Variants in TNFSF13B observed in about 807,000 individuals in gnomAD.
The protein encoded by TNFSF13B is tumor necrosis factor ligand superfamily member 13B.
Under a neutral mutation model 29.1 loss-of-function variants are expected in TNFSF13B, and 8 were observed. The observed-to-expected ratio is 0.27, with a 90% confidence interval of 0.16 to 0.50. The LOEUF is 0.50. TNFSF13B is among the 20% of genes least tolerant of loss of function. TNFSF13B has a pLI of 0.98. For synonymous variants in TNFSF13B, 125 were observed against 130.8 expected, an observed-to-expected ratio of 0.96 and a Z score of 0.30; for missense variants, 248 against 334.9, an observed-to-expected ratio of 0.74 and a Z score of 2.03.
At chr13:108,302,132 CT>C (rs1881643990) in intron 3 of TNFSF13B, among the ~76,000 whole-genome samples, 1 of 152,046 alleles carries the variant, frequency 6.6e-6, no homozygotes, top group Admixed American at 6.6e-5. Context: ...ATATTGTTAT[CT>C]TCTTGGGCTT....
intron 3 of TNFSF13B, among the ~76,000 whole-genome samples, chr13:108,299,532 A>G (rs1412389615): frequency 6.6e-6 from 1 of 151,942 alleles, no homozygotes; most frequent in East Asian, 1.9e-4. Flanking sequence ...GTGTGGACAC[A>G]GGAGTCCTTC....
intron 2 of TNFSF13B, among the ~76,000 whole-genome samples, chr13:108,272,112 T>C (rs920370421): frequency 6.6e-6 from 1 of 152,192 alleles, no homozygotes; most frequent in African/African-American, 2.4e-5. Context: ...GTTTAGTAGT[T>C]GTAAAACAAT....
Position 108,284,277 on chromosome 13 carries a change from T to C in TNFSF13B, c.425-2526T>C, listed in dbSNP as rs189892026. ...GCGGGAGGCGGAGCTTGCAGTGAGC[T>C]GAGATCGCGCCACTGCACTCCAGCC... On this transcript the variant is annotated intron_variant, in intron 2 of 5. Coordinates refer to ENST00000375887, the MANE Select transcript of TNFSF13B (RefSeq NM_006573.5). 3.0e-3 allele frequency among the ~76,000 whole-genome samples: 456 copies of C among 152,086 alleles called. 1 individual carries two copies. Among genetic ancestry groups the C allele is most frequent in the African/African-American group, 9.3e-3 (386 of 41,482 alleles).
chr13:108,286,115 T>C (rs571993867), intron 2 of TNFSF13B, among the ~76,000 whole-genome samples: 2 of 152,340 alleles, frequency 1.3e-5, no homozygotes, highest in African/African-American at 4.8e-5. Context: ...TCTATCTCTC[T>C]TTCTCTCTTT....
At chr13:108,291,723 A>G (rs1467476308) in intron 3 of TNFSF13B, among the ~76,000 whole-genome samples, 1 of 151,988 alleles carries the variant, frequency 6.6e-6, no homozygotes, top group Non-Finnish European at 1.5e-5. Flanking sequence ...TTGTTTTTTG[A>G]TATCATCTTA....
intron 3 of TNFSF13B, among the ~76,000 whole-genome samples, chr13:108,293,214 T>G (rs561234343): frequency 6.6e-6 from 1 of 152,178 alleles, no homozygotes; most frequent in Non-Finnish European, 1.5e-5. Context: ...GCACACTTGT[T>G]AAAAATCAGT....
At position 108,308,258 on chromosome 13, in the gene TNFSF13B, A is replaced by T. The variant is rs1381841432; in HGVS notation, c.*1320A>T. ...CAAACGATTTAAATTTTATGTTTAA[A>T]ATATAAACTTTAGATTTAAACTTTA... On this transcript the variant is annotated 3_prime_UTR_variant, in exon 6 of 6. Transcript: ENST00000375887. The T allele has an allele frequency of 6.6e-6, 1 of 152,180 alleles. No homozygotes were observed. Among genetic ancestry groups the T allele is most frequent in the Non-Finnish European group, 1.5e-5 (1 of 68,012 alleles). 9.4% of individuals were successfully genotyped at this position (152,180 alleles called of 1,614,324 possible).
intron 2 of TNFSF13B, among the ~76,000 whole-genome samples, chr13:108,277,020 T>G (rs962685027): frequency 6.6e-6 from 1 of 152,160 alleles, no homozygotes; most frequent in Non-Finnish European, 1.5e-5. Context: ...TTCAAATAGA[T>G]TTATCACCCA....
intron 2 of TNFSF13B, among the ~76,000 whole-genome samples, chr13:108,281,651 A>C (rs948213216): frequency 1.3e-5 from 2 of 152,172 alleles, no homozygotes; most frequent in Admixed American, 6.5e-5. Flanking sequence ...CCCAAGATTG[A>C]GAACTCTACT....
At chr13:108,277,603 A>C (rs1438331567) in intron 2 of TNFSF13B, among the ~76,000 whole-genome samples, 1 of 152,180 alleles carries the variant, frequency 6.6e-6, no homozygotes, top group Non-Finnish European at 1.5e-5. Flanking sequence ...TAGGAAAGTA[A>C]AGGAGTAAAA....
At chr13:108,285,903 T>G (rs1235229677) in intron 2 of TNFSF13B, among the ~76,000 whole-genome samples, 1 of 152,262 alleles carries the variant, frequency 6.6e-6, no homozygotes, top group Non-Finnish European at 1.5e-5. Context: ...CTTTATTGTA[T>G]CTTCCCTACA....
chr13:108,282,300 G>A (rs919315671), intron 2 of TNFSF13B, among the ~76,000 whole-genome samples: 4 of 152,168 alleles, frequency 2.6e-5, no homozygotes, highest in East Asian at 1.9e-4. Flanking sequence ...CAGTAATTGC[G>A]TTATTTATGG....
chr13:108,304,882 G>C (rs1881726298), intron 5 of TNFSF13B, among the ~76,000 whole-genome samples: 1 of 152,150 alleles, frequency 6.6e-6, no homozygotes, highest in Non-Finnish European at 1.5e-5. Flanking sequence ...CTTTCATAAA[G>C]AGATGTTTCC....
At chr13:108,278,590 CCCTTCTCT>C (rs1880827445) in intron 2 of TNFSF13B, among the ~76,000 whole-genome samples, 2 of 276 alleles carry the variant, frequency 7.2e-3, no homozygotes, top group Non-Finnish European at 0.015. Flanking sequence ...CCTCCTCCTC[CCCTTCTCT>C]TCCTCCTCCT....
chr13:108,283,768 T>C (rs1881031889), intron 2 of TNFSF13B, among the ~76,000 whole-genome samples: 1 of 152,204 alleles, frequency 6.6e-6, no homozygotes, highest in African/African-American at 2.4e-5. Flanking sequence ...TGATGAGGAC[T>C]TGCTTCCTGG....
chr13:108,287,970 G>T (rs565374411), intron 3 of TNFSF13B, among the ~76,000 whole-genome samples: 1 of 152,272 alleles, frequency 6.6e-6, no homozygotes, highest in African/African-American at 2.4e-5. Context: ...TGTCGTATAA[G>T]TTTGGAAACA....
chr13:108,298,676 A>G (rs1192336330), intron 3 of TNFSF13B, among the ~76,000 whole-genome samples: 1 of 144,768 alleles, frequency 6.9e-6, no homozygotes, highest in African/African-American at 2.6e-5. Flanking sequence ...TTTGATTTTG[A>G]TTAAGATTGC....
intron 2 of TNFSF13B, among the ~76,000 whole-genome samples, chr13:108,281,256 A>G: frequency 6.6e-6 from 1 of 152,152 alleles, no homozygotes; most frequent in Non-Finnish European, 1.5e-5. Context: ...AAAAAGAAAA[A>G]GAAAGAAAAG....
chr13:108,270,978 C>T (rs907425118), intron 2 of TNFSF13B, among the ~76,000 whole-genome samples: 1 of 151,646 alleles, frequency 6.6e-6, no homozygotes, highest in Non-Finnish European at 1.5e-5. Flanking sequence ...CACGCACAGA[C>T]ACACACACAG....
Sources: gnomAD v4.1 joint callset for allele counts (sites outside exome capture counted in the v4.1 genomes callset) on GRCh38, gnomAD v4.1.1 for gene constraint, MANE v1.5 for transcripts, NCBI Gene and HGNC (gene_info 2026-07-23, HGNC 2026-07-21) for gene names.